The following SLC17A9 variants were observed in gnomAD, a reference collection of about 807,000 sequenced individuals.
The protein encoded by SLC17A9 is solute carrier family 17 member 9, also known as voltage-gated purine nucleotide uniporter SLC17A9.
SLC17A9 carries 49 observed loss-of-function variants against 55.0 expected under a neutral mutation model. The ratio of observed to expected loss-of-function variants is 0.89; its 90% CI spans 0.71 to 1.13. The LOEUF (loss-of-function observed/expected upper bound fraction) is 1.13. Among genes scored for constraint, SLC17A9 ranks in the 50% most tolerant of loss-of-function variants. The probability of loss-of-function intolerance (pLI) is 0.00; values close to 1 mark genes in which losing one functional copy is unlikely to be tolerated. For synonymous variants in SLC17A9, 256 were observed against 247.4 expected, an observed-to-expected ratio of 1.03 and a Z score of -0.32; for missense variants, 526 against 569.3, an observed-to-expected ratio of 0.92 and a Z score of 0.77.
At chr20:62,956,738 A>G in intron 1 of SLC17A9, 27 bp from the exon 2 acceptor site, 1 of 1,600,510 alleles carries the variant, frequency 6.2e-7, no homozygotes. Flanking sequence ...GGGCCTCCCC[A>G]GGGCCTGACC....
intron 1 of SLC17A9, among the ~76,000 whole-genome samples, chr20:62,955,985 C>G (rs928140122): frequency 2.0e-5 from 3 of 152,258 alleles, no homozygotes; most frequent in Non-Finnish European, 4.4e-5. Context: ...CAACTTTCTC[C>G]AAACTCCAGG....
At chr20:62,964,461 T>A in intron 8 of SLC17A9, 146 bp downstream of exon 8, 1 of 828,354 alleles carries the variant, frequency 1.2e-6, no homozygotes, top group South Asian at 1.5e-5. Context: ...CTCGGCCTCC[T>A]CCTTAAAGGG....
chr20:62,963,422 G>A, intron 6 of SLC17A9, 53 bp downstream of exon 6: 5 of 1,584,330 alleles, frequency 3.2e-6, no homozygotes, highest in Non-Finnish European at 4.3e-6. Flanking sequence ...CGGTGACCAT[G>A]GGGGTGTGAA....
chr20:62,962,688 T>C lies in SLC17A9; in HGVS notation c.562T>C (p.Tyr188His), dbSNP rs1347618904. The C allele has an allele frequency of 2.5e-6, 4 of 1,613,986 alleles. No individual in the cohort carries two copies. In the African/African-American group the frequency reaches 5.3e-5, roughly 22 times the overall value. Reference sequence around the variant, plus strand: ...ATGGTACGGCTGGCAGAGCATCTTCTATTTCTCCGGCGGCCTCACCTTGCT... The same window carrying C: ...ATGGTACGGCTGGCAGAGCATCTTCCATTTCTCCGGCGGCCTCACCTTGCT... ...LEWYGWQSIF[Y>H]FSGGLTLLWV... is the part of the protein sequence containing the mutation. Residue 188 changes from tyrosine to histidine, a missense_variant, in exon 5 of 13, where the codon TAT (tyrosine) becomes CAT (histidine). By Grantham distance (83) the Tyr-to-His change is moderately conservative. Coordinates refer to ENST00000370351, the MANE Select transcript of SLC17A9 (RefSeq NM_022082.4). The surrounding 1 kb of genome is among the most constrained non-coding windows in gnomAD (Gnocchi z 5.5).
At chr20:62,967,154 A>G (rs1378183126) in intron 12 of SLC17A9, 183 bp from the exon 13 acceptor site, 5 of 695,396 alleles carry the variant, frequency 7.2e-6, no homozygotes, top group Non-Finnish European at 1.2e-5. Context: ...TGCCCCTCCA[A>G]GACCCTCCAA....
rs1181818089 is a variant in SLC17A9 at position 62,969,516 on chromosome 20, T to G, written c.*2016T>G. 6.6e-6 allele frequency: 1 copy of G among 152,176 alleles called. No individual in the cohort carries two copies. The highest frequency in any genetic ancestry group is 1.5e-5 in the Non-Finnish European group (1 of 68,028). The allele number at this position is 152,176 out of a possible 1,614,324, so 9.4% of individuals were successfully genotyped here. On this transcript the variant is annotated 3_prime_UTR_variant, in exon 13 of 13. Coordinates refer to ENST00000370351, the MANE Select transcript of SLC17A9 (RefSeq NM_022082.4). ...TTCACTCAGCAGAGTGTCCTTCGGT[T>G]TTATCAGTTTTGTCACAAGTGTCAG...
chr20:62,956,630 C>A, intron 1 of SLC17A9, 135 bp from the exon 2 acceptor site: 1 of 781,394 alleles, frequency 1.3e-6, no homozygotes, highest in African/African-American at 1.7e-5. Flanking sequence ...TGAATGCTTG[C>A]CAAGTTGCCC....
Position 62,960,526 on chromosome 20 carries a change from C to G in SLC17A9, c.420C>G (p.Thr140=), listed in dbSNP as rs768669562. The G allele has an allele frequency of 3.1e-6, 5 of 1,613,536 alleles. No individual in the cohort carries two copies. The East Asian group carries it at 1.1e-4, about 36-fold the overall frequency. Residue 140 remains threonine, a synonymous_variant, in exon 4 of 13, where the codon ACC becomes ACG. Coordinates refer to ENST00000370351, the MANE Select transcript of SLC17A9 (RefSeq NM_022082.4). ...LLQGVYFPAL[T]SLLSQKVRES... is the part of the protein sequence containing the mutation. ...CAGGGGTTTACTTCCCTGCCCTGAC[C>G]AGCCTGCTGTCGCAGAAGGTGCGGG...
Position 62,962,527 on chromosome 20 carries a change from G to A in SLC17A9, c.498-97G>A. On this transcript the variant is annotated intron_variant, in intron 4 of 12. Transcript: ENST00000370351. This position sits in a 1 kb window ranked among gnomAD's most constrained non-coding sequence, Gnocchi z 5.5. ...GGCGATGAAAACACCCTCTTCTCCAGGGGCTCAGCCTGCACCAGGGTGGGG... is the reference window on the plus strand; with the variant it reads ...GGCGATGAAAACACCCTCTTCTCCAAGGGCTCAGCCTGCACCAGGGTGGGG... 2 of 1,480,348 alleles carry A rather than the reference G, an allele frequency of 1.4e-6. No homozygotes were observed. Among genetic ancestry groups the A allele is most frequent in the Non-Finnish European group, 1.8e-6 (2 of 1,105,012 alleles). 91.7% of individuals were successfully genotyped at this position (1,480,348 alleles called of 1,614,324 possible). A position where few individuals can be genotyped will look rare whatever the true frequency, so the allele number is the denominator to read the frequency against.
intron 1 of SLC17A9, among the ~76,000 whole-genome samples, chr20:62,954,657 C>T (rs908143544): frequency 2.0e-5 from 3 of 152,238 alleles, no homozygotes; most frequent in Admixed American, 1.3e-4. Flanking sequence ...GGGCCATCCT[C>T]TCCAGCCTGA....
intron 1 of SLC17A9, chr20:62,953,318 G>C (rs144961423): frequency 2.0e-6 from 3 of 1,534,124 alleles, no homozygotes; most frequent in East Asian, 2.5e-5. Flanking sequence ...GGTTGGGGGG[G>C]GTCCTGCCAC....
rs1006347809 is a variant in SLC17A9 at position 62,969,013 on chromosome 20, C to T, written c.*1513C>T. The T allele has an allele frequency of 6.6e-6, 1 of 152,284 alleles. No homozygotes were observed. The highest frequency in any genetic ancestry group is 1.5e-5 in the Non-Finnish European group (1 of 68,080). The allele number at this position is 152,284 out of a possible 1,614,324, so 9.4% of individuals were successfully genotyped here. A position where few individuals can be genotyped will look rare whatever the true frequency, so the allele number is the denominator to read the frequency against. ...ACCATGGGTACAGCCTAGAGCATCA[C>T]CCCCACAGAGGCTTCGGGACGGTCC... On this transcript the variant is annotated 3_prime_UTR_variant, in exon 13 of 13. Transcript: ENST00000370351.
rs2065612811 is a variant in SLC17A9 at position 62,963,986 on chromosome 20, T to C, written c.823-242T>C. 6 of 602,148 alleles carry C rather than the reference T, an allele frequency of 1.0e-5. No individual in the cohort carries two copies. In the East Asian group the frequency reaches 1.7e-4, roughly 17 times the overall value. The allele number at this position is 602,148 out of a possible 1,614,324, so 37.3% of individuals were successfully genotyped here. ...CGACTTCAGAGCCTGAGGAGGCCGG[T>C]GCAGAAGCCGGGATGTGGACAGAGG... On this transcript the variant is annotated intron_variant, in intron 7 of 12. Coordinates refer to ENST00000370351, the MANE Select transcript of SLC17A9 (RefSeq NM_022082.4).
rs1027426565 is a variant in SLC17A9, at chr20:62,952,856, G to A, written c.26G>A (p.Arg9His). Residue 9 changes from arginine (R) to histidine (H), a missense_variant, in exon 1 of 13, where the codon CGC (arginine) becomes CAC (histidine). By Grantham distance (29) the Arg-to-His change is conservative. Coordinates refer to ENST00000370351, the MANE Select transcript of SLC17A9 (RefSeq NM_022082.4). MQPPPDEA[R>H]RDMAGDTQWS... Reference sequence around the variant, plus strand: ...ATGCAGCCACCCCCAGACGAGGCCCGCAGGGACATGGCCGGGGACACCCAG... The same window carrying A: ...ATGCAGCCACCCCCAGACGAGGCCCACAGGGACATGGCCGGGGACACCCAG... The A allele has an allele frequency of 9.2e-6, 14 of 1,526,650 alleles. No homozygotes were observed. Among genetic ancestry groups the A allele is most frequent in the Admixed American group, 4.0e-5 (2 of 49,914 alleles). The allele number at this position is 1,526,650 out of a possible 1,614,324, so 94.6% of individuals were successfully genotyped here.
rs2065565782 is a variant in SLC17A9, at chr20:62,958,981, G to A, written c.397+1401G>A. On this transcript the variant is annotated intron_variant, in intron 3 of 12. Transcript: ENST00000370351. This position sits in a 1 kb window ranked among gnomAD's most constrained non-coding sequence, Gnocchi z 4.1. ...CAGAGCCAGCCCCTCCAGCATCACC[G>A]CCTCCCCAGGCACTGCCCAGGTCCC... 6.6e-6 allele frequency among the ~76,000 whole-genome samples: 1 copy of A among 152,186 alleles called. No homozygotes were observed. The highest frequency in any genetic ancestry group is 2.4e-5 in the African/African-American group (1 of 41,446).
rs944449938 is a variant in SLC17A9, at chr20:62,962,852, A to G, written c.628+98A>G. 4.6e-6 allele frequency: 7 copies of G among 1,519,558 alleles called. No individual in the cohort carries two copies. Among genetic ancestry groups the G allele is most frequent in the African/African-American group, 4.2e-5 (3 of 72,150 alleles). 94.1% of individuals were successfully genotyped at this position (1,519,558 alleles called of 1,614,324 possible). A position where few individuals can be genotyped will look rare whatever the true frequency, so the allele number is the denominator to read the frequency against. On this transcript the variant is annotated intron_variant, in intron 5 of 12. Transcript: ENST00000370351. The surrounding 1 kb of genome is among the most constrained non-coding windows in gnomAD (Gnocchi z 5.5). ...TGAGCAGCCTGGAGCAGGAGCCCGG[A>G]GACGATGGCTTTGACCTCCCAAAGA...
chr20:62,967,631 T>C lies in SLC17A9; in HGVS notation c.*131T>C. The C allele has an allele frequency of 1.3e-6, 1 of 761,874 alleles. No individual in the cohort carries two copies. 47.2% of individuals were successfully genotyped at this position (761,874 alleles called of 1,614,324 possible). On this transcript the variant is annotated 3_prime_UTR_variant, in exon 13 of 13. Coordinates refer to ENST00000370351, the MANE Select transcript of SLC17A9 (RefSeq NM_022082.4). The stretch of plus-strand genomic sequence containing the variant: ...GAGGAACACAAACCACTGTGGAGCC[T>C]GAAGCTCCTTAAGAAGAGTCCACAA...
At chr20:62,960,916 C>T (rs1457929789) in intron 4 of SLC17A9, among the ~76,000 whole-genome samples, 1 of 152,250 alleles carries the variant, frequency 6.6e-6, no homozygotes, top group Non-Finnish European at 1.5e-5. Context: ...CTAACGATGC[C>T]AGATGCCGTC....
rs374586997 is a variant in SLC17A9 at position 62,958,249 on chromosome 20, T to G, written c.397+669T>G. Among the ~76,000 whole-genome samples the G allele has an allele frequency of 5.9e-5, 9 of 152,238 alleles. 1 individual carries two copies. Among genetic ancestry groups the G allele is most frequent in the Admixed American group, 2.6e-4 (4 of 15,302 alleles). ...CACAGGGGGCACCTGTGTAGTGAAC[T>G]TGCCCCTGCCCCTGAATTTTGTCAC... On this transcript the variant is annotated intron_variant, in intron 3 of 12. Coordinates refer to ENST00000370351, the MANE Select transcript of SLC17A9 (RefSeq NM_022082.4). This position sits in a 1 kb window ranked among gnomAD's most constrained non-coding sequence, Gnocchi z 4.1.
Sources: allele counts gnomAD v4.1 joint callset (sites outside exome capture counted in the v4.1 genomes callset), GRCh38; gene constraint gnomAD v4.1.1; non-coding constraint Gnocchi (gnomAD v3.1); transcripts MANE v1.5; gene names NCBI Gene and HGNC (gene_info 2026-07-23, HGNC 2026-07-21).